PTPRD: variants seen among roughly 807,000 people sequenced by gnomAD.
PTPRD encodes receptor-type tyrosine-protein phosphatase delta.
PTPRD carries 34 observed loss-of-function variants against 214.5 expected under a neutral mutation model. That is an observed-to-expected ratio of 0.16 (90% CI 0.12 to 0.21). The LOEUF is 0.21. Among genes scored for constraint, PTPRD ranks in the 10% least tolerant of loss-of-function variants. The pLI is 1.00. For synonymous variants in PTPRD, 1,128 were observed against 845.7 expected (o/e 1.33, Z -5.79); for missense variants, 2,545 against 2,398.7 (o/e 1.06, Z -1.27).
At chr9:8,737,523 GA>G (rs368802733) in intron 11 of PTPRD, among the ~76,000 whole-genome samples, 482 of 144,252 alleles carry the variant, frequency 3.3e-3, no homozygotes, top group Non-Finnish European at 4.3e-3. Context: ...TAAGTACTCT[GA>G]AAAAAAAAAA....
chr9:8,314,560 T>C lies in PTPRD; in HGVS notation c.*3314A>G, dbSNP rs932530944. ...ATGGCAAAGCCACATAACGGATGGATAGAATGGATCTGTAGCCTTCTGATC... is the reference window on the plus strand; with the variant it reads ...ATGGCAAAGCCACATAACGGATGGACAGAATGGATCTGTAGCCTTCTGATC... On this transcript the variant is annotated 3_prime_UTR_variant, in exon 46 of 46. Transcript: ENST00000381196. 1.7e-5 allele frequency: 4 copies of C among 232,020 alleles called. No homozygotes were observed. Among genetic ancestry groups the C allele is most frequent in the Non-Finnish European group, 1.7e-5 (2 of 117,160 alleles). The allele number at this position is 232,020 out of a possible 1,614,324, so 14.4% of individuals were successfully genotyped here. A position where few individuals can be genotyped will look rare whatever the true frequency, so the allele number is the denominator to read the frequency against.
chr9:8,609,798 G>C (rs554819464), intron 14 of PTPRD, among the ~76,000 whole-genome samples: 21 of 152,262 alleles, frequency 1.4e-4, no homozygotes, highest in African/African-American at 4.6e-4. Context: ...TGAGTATTTT[G>C]AGGTTTTCCC....
At chr9:9,847,251 C>G (rs534940537) in intron 5 of PTPRD, among the ~76,000 whole-genome samples, 1 of 152,152 alleles carries the variant, frequency 6.6e-6, no homozygotes, top group African/African-American at 2.4e-5. Context: ...AAAGTGATTA[C>G]TTTGTTATTT....
At chr9:9,991,536 T>G (rs546056369) in intron 4 of PTPRD, among the ~76,000 whole-genome samples, 1 of 151,204 alleles carries the variant, frequency 6.6e-6, no homozygotes, top group Non-Finnish European at 1.5e-5. Context: ...TAATTTTGTA[T>G]TTTTAGTAGA....
intron 7 of PTPRD, among the ~76,000 whole-genome samples, chr9:9,700,798 T>G (rs1043075810): frequency 6.6e-6 from 1 of 152,108 alleles, no homozygotes; most frequent in Admixed American, 6.5e-5. Flanking sequence ...TCCATAAAAA[T>G]TTCTAGTAGA....
chr9:8,993,657 T>C (rs760380563), intron 11 of PTPRD, among the ~76,000 whole-genome samples: 23 of 152,166 alleles, frequency 1.5e-4, no homozygotes, highest in Non-Finnish European at 2.8e-4. Flanking sequence ...GAAAATCTTA[T>C]GTATCTTAGA....
chr9:8,799,243 T>G (rs76313646), intron 11 of PTPRD, among the ~76,000 whole-genome samples: 1,933 of 152,344 alleles, frequency 0.013, 46 homozygotes, highest in African/African-American at 0.045. Flanking sequence ...TCACTTCCCA[T>G]GTTCACTGTC....
rs746067788 is a variant in PTPRD at position 8,389,311 on chromosome 9, A to G, written c.4307T>C (p.Phe1436Ser). Residue 1436 changes from phenylalanine (F) to serine (S), a missense_variant, in exon 37 of 46, where the codon TTT (phenylalanine) becomes TCT (serine). Coordinates refer to ENST00000381196, the MANE Select transcript of PTPRD (RefSeq NM_002839.4). ...CCATATCATTCTCCAAAAGTCCCCA[A>G]ATGTTTCGGGGAGAGATCCCTGTGT... ...IATQGSLPET[F>S]GDFWRMIWEQ... is the part of the protein sequence containing the mutation. The G allele has an allele frequency of 1.7e-5, 27 of 1,613,010 alleles. No homozygotes were observed. Among genetic ancestry groups the G allele is most frequent in the Non-Finnish European group, 2.3e-5 (27 of 1,179,392 alleles).
intron 7 of PTPRD, among the ~76,000 whole-genome samples, chr9:9,628,367 G>C (rs10977891): frequency 0.17 from 25,686 of 151,978 alleles, 3,341 homozygotes; most frequent in African/African-American, 0.37. Context: ...ACAATCAATT[G>C]CCAGGTTCCC....
chr9:9,632,289 C>T (rs1225301157), intron 7 of PTPRD, among the ~76,000 whole-genome samples: 1 of 152,018 alleles, frequency 6.6e-6, no homozygotes, highest in East Asian at 1.9e-4. Flanking sequence ...ACTAAGGAAA[C>T]AAAATCAGAC....
intron 36 of PTPRD, among the ~76,000 whole-genome samples, chr9:8,392,718 C>T (rs1169169422): frequency 2.6e-5 from 4 of 152,180 alleles, no homozygotes; most frequent in South Asian, 4.1e-4. Flanking sequence ...TCTCTTTACG[C>T]GCTCTGGTGA....
chr9:9,580,513 G>A (rs1286363695), intron 7 of PTPRD, among the ~76,000 whole-genome samples: 5 of 149,906 alleles, frequency 3.3e-5, no homozygotes, highest in African/African-American at 1.2e-4. Flanking sequence ...TCTTTTGAAT[G>A]GTGTCTATTC....
chr9:9,125,367 C>T (rs541525526), intron 10 of PTPRD, among the ~76,000 whole-genome samples: 1 of 152,282 alleles, frequency 6.6e-6, no homozygotes, highest in African/African-American at 2.4e-5. Flanking sequence ...GTGAGAATTA[C>T]CTTGTGTGAA....
chr9:9,017,015 A>T (rs1481528460), intron 11 of PTPRD, among the ~76,000 whole-genome samples: 1 of 152,104 alleles, frequency 6.6e-6, no homozygotes, highest in East Asian at 1.9e-4. Flanking sequence ...TATAAAAAAC[A>T]ATGTATGGTG....
At chr9:9,828,743 T>C (rs1345435045) in intron 5 of PTPRD, among the ~76,000 whole-genome samples, 1 of 151,870 alleles carries the variant, frequency 6.6e-6, no homozygotes, top group Non-Finnish European at 1.5e-5. Flanking sequence ...TGCTTGTAGT[T>C]AGTTACTTTA....
At chr9:9,252,125 A>T (rs2099975731) in intron 9 of PTPRD, among the ~76,000 whole-genome samples, 1 of 151,930 alleles carries the variant, frequency 6.6e-6, no homozygotes, top group Non-Finnish European at 1.5e-5. Flanking sequence ...GTTGTAGGGG[A>T]CCAAAATGTG....
chr9:9,038,617 G>A (rs998466916), intron 10 of PTPRD, among the ~76,000 whole-genome samples: 6 of 145,574 alleles, frequency 4.1e-5, no homozygotes, highest in Non-Finnish European at 8.9e-5. Context: ...AATCAGTGGT[G>A]TGATCTTGGC....
chr9:9,717,773 C>A (rs529466087), intron 7 of PTPRD, among the ~76,000 whole-genome samples: 2 of 152,084 alleles, frequency 1.3e-5, no homozygotes, highest in African/African-American at 4.8e-5. Context: ...GCAAGGTAAA[C>A]CCTTGTTTTT....
chr9:10,364,431 T>G (rs149015814), intron 2 of PTPRD, among the ~76,000 whole-genome samples: 2,087 of 152,236 alleles, frequency 0.014, 24 homozygotes, highest in Non-Finnish European at 0.021. Flanking sequence ...CAGCCCTGAC[T>G]TCACCACTAT....
Sources: gnomAD v4.1 joint callset for allele counts (sites outside exome capture counted in the v4.1 genomes callset) on GRCh38, gnomAD v4.1.1 for gene constraint, MANE v1.5 for transcripts, NCBI Gene and HGNC (gene_info 2026-07-23, HGNC 2026-07-21) for gene names.